The following DDX4 variants were observed in gnomAD, a reference collection of about 807,000 sequenced individuals.
DDX4 encodes the protein probable ATP-dependent RNA helicase DDX4.
In DDX4, 25 loss-of-function variants were observed where a neutral mutation model predicts 100.0. The observed-to-expected ratio is 0.25, with a 90% CI of 0.18 to 0.35. The LOEUF (loss-of-function observed/expected upper bound fraction) is 0.35. Among genes scored for constraint, DDX4 ranks in the 10% least tolerant of loss-of-function variants. The probability of loss-of-function intolerance (pLI) is 1.00; values close to 1 mark genes in which losing one functional copy is unlikely to be tolerated. For missense variants in DDX4, 635 were observed against 882.4 expected (o/e 0.72, Z 3.55); for synonymous variants, 259 against 275.7 (o/e 0.94, Z 0.60).
intron 2 of DDX4, among the ~76,000 whole-genome samples, chr5:55,742,901 A>T (rs1382159126): frequency 6.6e-6 from 1 of 152,138 alleles, no homozygotes; most frequent in South Asian, 2.1e-4. Context: ...GGGTGGATTT[A>T]GTTGGAGAGG....
rs1393262397 is a variant in DDX4 at position 55,766,995 on chromosome 5, A to C, written c.335-886A>C. On this transcript the variant is annotated intron_variant, in intron 6 of 21. Transcript: ENST00000505374. ...GTTTTCAGGCAGCCTTCAGTATAGT[A>C]ATCTCTCATACTACTATTTTAAAAC... The C allele has an allele frequency of 5.9e-6, 9 of 1,529,704 alleles. No individual in the cohort carries two copies. The East Asian group carries it at 2.2e-4, about 38-fold the overall frequency. 94.8% of individuals were successfully genotyped at this position (1,529,704 alleles called of 1,614,324 possible).
Position 55,785,844 on chromosome 5 carries a change from T to C in DDX4, c.837T>C (p.Ser279=), listed in dbSNP as rs1251005784. The change falls in exon 13 of 22, where the codon TCT becomes TCC. Residue 279 remains serine, a synonymous_variant. Transcript: ENST00000505374. Reference sequence around the variant, plus strand: ...ACGACACTATTCTTGTGGAAGTGTCTGGACATGATGCACCACCAGCAATTC... The same window carrying C: ...ACGACACTATTCTTGTGGAAGTGTCCGGACATGATGCACCACCAGCAATTC... The part of the protein sequence containing the change: ...DKYDTILVEV[S]GHDAPPAILT... 3.7e-6 allele frequency: 6 copies of C among 1,610,328 alleles called. No homozygotes were observed. The highest frequency in any genetic ancestry group is 1.3e-5 in the African/African-American group (1 of 74,872).
chr5:55,754,805 G>T (rs912579894), intron 3 of DDX4, among the ~76,000 whole-genome samples: 47 of 151,480 alleles, frequency 3.1e-4, no homozygotes, highest in African/African-American at 1.1e-3. Flanking sequence ...TCTGGTCCTG[G>T]ACTCTTTTTG....
intron 2 of DDX4, among the ~76,000 whole-genome samples, chr5:55,741,778 G>T (rs926178787): frequency 4.0e-5 from 6 of 150,522 alleles, no homozygotes; most frequent in African/African-American, 1.5e-4. Flanking sequence ...AATGGAGCAA[G>T]ACTCTGTCTG....
At chr5:55,759,061 T>A (rs1377900296) in intron 3 of DDX4, among the ~76,000 whole-genome samples, 1 of 148,982 alleles carries the variant, frequency 6.7e-6, no homozygotes, top group East Asian at 2.0e-4. Context: ...GCTACTTAAA[T>A]TTTTTTTTTG....
intron 2 of DDX4, among the ~76,000 whole-genome samples, chr5:55,744,431 G>C (rs186451439): frequency 6.6e-6 from 1 of 152,112 alleles, no homozygotes; most frequent in African/African-American, 2.4e-5. Context: ...GGAAGTTTAC[G>C]TGAGAAGAAA....
intron 6 of DDX4, among the ~76,000 whole-genome samples, chr5:55,765,413 A>AAT (rs397997793): frequency 0.04 from 3,321 of 82,908 alleles, 100 homozygotes; most frequent in African/African-American, 0.061. Context: ...AAAAAAAAAA[A>AAT]ATATATATAT....
intron 17 of DDX4, among the ~76,000 whole-genome samples, chr5:55,794,690 A>G (rs1742812442): frequency 2.0e-5 from 3 of 152,166 alleles, no homozygotes; most frequent in African/African-American, 7.2e-5. Context: ...TGTGAATCAT[A>G]TTTGATTATA....
intron 18 of DDX4, among the ~76,000 whole-genome samples, chr5:55,799,399 G>A (rs1184952724): frequency 1.3e-5 from 2 of 151,984 alleles, no homozygotes; most frequent in Non-Finnish European, 2.9e-5. Flanking sequence ...TTTTTGAGAC[G>A]GGGCCTTGCT....
intron 2 of DDX4, among the ~76,000 whole-genome samples, chr5:55,739,479 A>C (rs568658897): frequency 2.2e-4 from 34 of 152,328 alleles, no homozygotes; most frequent in Non-Finnish European, 4.6e-4. Flanking sequence ...ATGAATCTTC[A>C]GATCTTTTTT....
chr5:55,813,013 T>C (rs1744203337), intron 18 of DDX4, among the ~76,000 whole-genome samples: 1 of 152,148 alleles, frequency 6.6e-6, no homozygotes, highest in Admixed American at 6.6e-5. Context: ...ATTATCTTTC[T>C]TCTCCAACAT....
intron 3 of DDX4, among the ~76,000 whole-genome samples, chr5:55,747,075 T>G (rs956159321): frequency 6.6e-6 from 1 of 151,940 alleles, no homozygotes; most frequent in South Asian, 2.1e-4. Context: ...GCAACATAGT[T>G]GGAGTCTTTG....
intron 7 of DDX4, among the ~76,000 whole-genome samples, chr5:55,779,447 CCTATGAGTCTGCT>C (rs1025586897): frequency 2.7e-5 from 4 of 146,962 alleles, no homozygotes; most frequent in Non-Finnish European, 4.6e-5. Flanking sequence ...ATGAGTCTGC[CCTATGAGTCTGCT>C]CTATGTGCAA....
chr5:55,772,331 T>A (rs1003119552), intron 7 of DDX4, among the ~76,000 whole-genome samples: 2 of 152,248 alleles, frequency 1.3e-5, no homozygotes, highest in African/African-American at 2.4e-5. Flanking sequence ...CTGAAAAGAC[T>A]GTCCCTTCTG....
chr5:55,786,433 G>A (rs1334709379), intron 13 of DDX4, 85 bp from the exon 14 acceptor site: 5 of 1,084,958 alleles, frequency 4.6e-6, no homozygotes, highest in Non-Finnish European at 6.6e-6. Context: ...AACAGAACTT[G>A]GAAAGTAGCT....
At chr5:55,746,338 A>T (rs1759248368) in intron 3 of DDX4, 117 bp downstream of exon 3, 1 of 770,482 alleles carries the variant, frequency 1.3e-6, no homozygotes, top group Non-Finnish European at 2.0e-6. Context: ...TTTCTTAGTG[A>T]AAGTTCCTTC....
chr5:55,800,053 A>C (rs1428905105), intron 18 of DDX4, among the ~76,000 whole-genome samples: 1 of 152,216 alleles, frequency 6.6e-6, no homozygotes, highest in African/African-American at 2.4e-5. Flanking sequence ...GGCTTCATCA[A>C]ATGTTTCATA....
At chr5:55,781,503 G>A (rs571792212) in intron 9 of DDX4, among the ~76,000 whole-genome samples, 1 of 152,300 alleles carries the variant, frequency 6.6e-6, no homozygotes, top group South Asian at 2.1e-4. Flanking sequence ...GAGGCCGGGC[G>A]TGGTGGCTCA....
chr5:55,772,939 A>T (rs980248288), intron 7 of DDX4: 2 of 152,174 alleles, frequency 1.3e-5, no homozygotes, highest in African/African-American at 4.8e-5. Context: ...ATTGCCTGTT[A>T]TTTTTAGTCC....
Sources: allele counts gnomAD v4.1 joint callset (sites outside exome capture counted in the v4.1 genomes callset), GRCh38; gene constraint gnomAD v4.1.1; transcripts MANE v1.5; gene names NCBI Gene and HGNC (gene_info 2026-07-23, HGNC 2026-07-21).